RBFOX3: variants seen among roughly 807,000 people sequenced by gnomAD.
RBFOX3 encodes the protein RNA binding protein fox-1 homolog 3.
RBFOX3 carries 17 observed loss-of-function variants against 48.7 expected under a neutral mutation model. The ratio of observed to expected loss-of-function variants is 0.35; its 90% CI spans 0.24 to 0.52. The LOEUF is 0.52. Among genes scored for constraint, RBFOX3 ranks in the 20% least tolerant of loss-of-function variants. RBFOX3 has a pLI of 0.94. For synonymous variants in RBFOX3, 212 were observed against 209.5 expected (o/e 1.01, Z -0.10); for missense variants, 382 against 497.5 (o/e 0.77, Z 2.21).
chr17:79,463,214 TCCACTGCCATCGCCACTGCCACTG>T (rs2075699867), intron 2 of RBFOX3, among the ~76,000 whole-genome samples: 90 of 84,140 alleles, frequency 1.1e-3, no homozygotes, highest in Non-Finnish European at 1.5e-3. Context: ...CACTGCCACC[TCCACTGCCATCGCCACTGCCACTG>T]CCATCGCCAC....
chr17:79,442,144 G>A (rs2071055531), intron 2 of RBFOX3, among the ~76,000 whole-genome samples: 1 of 150,804 alleles, frequency 6.6e-6, no homozygotes, highest in African/African-American at 2.4e-5. Context: ...CTGGGAGGGA[G>A]GGGAACCCCA....
intron 4 of RBFOX3, chr17:79,132,609 T>A (rs1200964120): frequency 6.6e-6 from 1 of 152,170 alleles, no homozygotes; most frequent in African/African-American, 2.4e-5. Context: ...AGGGCCTGGG[T>A]GCAGGGTGTC....
At chr17:79,614,799 G>C (rs2093987718), upstream of RBFOX3, among the ~76,000 whole-genome samples, 1 of 151,922 alleles carries the variant, frequency 6.6e-6, no homozygotes, top group Admixed American at 6.6e-5. Flanking sequence ...GAATGCCCCA[G>C]AAGGCAAAGC....
chr17:79,404,241 G>A lies in RBFOX3; in HGVS notation c.-175+78213C>T, dbSNP rs1413107253. On this transcript the variant is annotated intron_variant, in intron 2 of 14. Transcript: ENST00000693108. Reference sequence around the variant, plus strand: ...CAGGACTGAGGCCCGTGAGGACAGTGGGCGTGGGCAGGGCCACAGCGGTGG... The same window carrying A: ...CAGGACTGAGGCCCGTGAGGACAGTAGGCGTGGGCAGGGCCACAGCGGTGG... Among the ~76,000 whole-genome samples, 12 of 152,222 alleles carry A rather than the reference G, an allele frequency of 7.9e-5. No individual in the cohort carries two copies. The East Asian group carries it at 2.3e-3, about 29-fold the overall frequency.
chr17:79,591,933 G>A (rs28758588), intron 1 of RBFOX3, among the ~76,000 whole-genome samples: 258 of 141,472 alleles, frequency 1.8e-3, no homozygotes, highest in African/African-American at 7.9e-3. Flanking sequence ...GTGTGGAGGG[G>A]TGTGCATGTG....
At chr17:79,289,795 T>C (rs2072867068) in intron 3 of RBFOX3, among the ~76,000 whole-genome samples, 1 of 152,266 alleles carries the variant, frequency 6.6e-6, no homozygotes. Flanking sequence ...AGTTCAACTC[T>C]AAATGTAATG....
At chr17:79,513,402 G>A (rs887075558) in intron 1 of RBFOX3, among the ~76,000 whole-genome samples, 167 of 152,222 alleles carry the variant, frequency 1.1e-3, no homozygotes, top group African/African-American at 3.5e-3. Context: ...ACATGGCCCC[G>A]TGGCCAAGTG....
Position 79,532,703 on chromosome 17 carries a change from G to T in RBFOX3, c.-319-50105C>A, listed in dbSNP as rs1001732585. Among the ~76,000 whole-genome samples the T allele has an allele frequency of 1.2e-4, 19 of 152,224 alleles. 1 individual carries two copies. Among genetic ancestry groups the T allele is most frequent in the Non-Finnish European group, 1.5e-5 (1 of 68,042 alleles). ...TGATAAGGGTGGAAAGGGGTTGTGG[G>T]GACAGAGTCTTGGCCTTGCTGCCCT... On this transcript the variant is annotated intron_variant, in intron 1 of 14. Coordinates refer to ENST00000693108, the MANE Select transcript of RBFOX3 (RefSeq NM_001350451.2).
At chr17:79,277,548 T>C (rs750799649) in intron 3 of RBFOX3, among the ~76,000 whole-genome samples, 1 of 152,236 alleles carries the variant, frequency 6.6e-6, no homozygotes, top group African/African-American at 2.4e-5. Flanking sequence ...TCTCTGCTGT[T>C]ACAGCCGACG....
At chr17:79,436,084 T>C (rs546883066) in intron 2 of RBFOX3, among the ~76,000 whole-genome samples, 1 of 152,118 alleles carries the variant, frequency 6.6e-6, no homozygotes, top group Non-Finnish European at 1.5e-5. Flanking sequence ...GGCCCATGTG[T>C]GGATTCTTCA....
intron 3 of RBFOX3, among the ~76,000 whole-genome samples, chr17:79,247,664 A>G (rs906123803): frequency 3.3e-5 from 5 of 152,008 alleles, no homozygotes; most frequent in Non-Finnish European, 5.9e-5. Flanking sequence ...GTAGAATTAG[A>G]GAAAAGCAAT....
intron 2 of RBFOX3, among the ~76,000 whole-genome samples, chr17:79,414,094 C>T (rs1042629484): frequency 6.6e-5 from 10 of 152,094 alleles, no homozygotes; most frequent in Admixed American, 6.5e-4. Flanking sequence ...GTTATTCTAC[C>T]CAGGATCCAC....
chr17:79,254,301 C>T lies in RBFOX3; in HGVS notation c.-73-18496G>A, dbSNP rs1275484601. Among the ~76,000 whole-genome samples the T allele has an allele frequency of 1.3e-5, 2 of 152,156 alleles. No homozygotes were observed. Among genetic ancestry groups the T allele is most frequent in the African/African-American group, 2.4e-5 (1 of 41,440 alleles). ...CTGCTGCCCAGTCCTATTCCTGCCT[C>T]GTTCAGAACCCTGCCCACCCCGCAA... On this transcript the variant is annotated intron_variant, in intron 3 of 14. Transcript: ENST00000693108. The surrounding 1 kb of genome is among the most constrained non-coding windows in gnomAD (Gnocchi z 4.8).
rs2079383184 is a variant in RBFOX3 at position 79,485,202 on chromosome 17, G to T, written c.-319-2604C>A. On this transcript the variant is annotated intron_variant, in intron 1 of 14. Transcript: ENST00000693108. ...CTGACTTGTCAGTTCTCTTGCCTTT[G>T]AGGCGGATGGAGCCCTCCTTCCCAG... Among the ~76,000 whole-genome samples the T allele has an allele frequency of 5.9e-5, 9 of 152,260 alleles. No individual in the cohort carries two copies. In the South Asian group the frequency reaches 1.9e-3, roughly 32 times the overall value.
chr17:79,565,494 C>G (rs1011691703), intron 1 of RBFOX3, among the ~76,000 whole-genome samples: 8,342 of 152,108 alleles, frequency 0.055, 296 homozygotes, highest in Admixed American at 0.11. Flanking sequence ...CATGCACTAC[C>G]ACACCCAATA....
chr17:79,315,628 A>G (rs527891038), intron 2 of RBFOX3, among the ~76,000 whole-genome samples: 1 of 152,330 alleles, frequency 6.6e-6, no homozygotes, highest in South Asian at 2.1e-4. Context: ...CAAGCTCATA[A>G]AAGCCACGTG....
chr17:79,357,201 G>A (rs1288963324), intron 2 of RBFOX3, among the ~76,000 whole-genome samples: 3 of 152,266 alleles, frequency 2.0e-5, no homozygotes, highest in African/African-American at 7.2e-5. Context: ...GTACGCACAT[G>A]TAGAGTGTCT....
intron 8 of RBFOX3, among the ~76,000 whole-genome samples, chr17:79,102,144 G>A (rs903588828): frequency 3.9e-5 from 6 of 152,240 alleles, no homozygotes; most frequent in Admixed American, 3.3e-4. Context: ...TGGGGCCCGT[G>A]TGCCCCTGGA....
chr17:79,169,559 C>T (rs933470360), intron 4 of RBFOX3, among the ~76,000 whole-genome samples: 2 of 152,236 alleles, frequency 1.3e-5, no homozygotes, highest in Admixed American at 1.3e-4. Context: ...CACCCTCCCA[C>T]CATGGGACCC....
Sources: allele counts gnomAD v4.1 joint callset (sites outside exome capture counted in the v4.1 genomes callset), GRCh38; gene constraint gnomAD v4.1.1; non-coding constraint Gnocchi (gnomAD v3.1); transcripts MANE v1.5; gene names NCBI Gene and HGNC (gene_info 2026-07-23, HGNC 2026-07-21).